The following FSTL5 variants were observed in gnomAD, a reference collection of about 807,000 sequenced individuals.
FSTL5 encodes the protein follistatin-related protein 5.
Under a neutral mutation model 89.1 loss-of-function variants are expected in FSTL5, and 62 were observed. The observed-to-expected ratio is 0.70, with a 90% CI of 0.57 to 0.86. The LOEUF is 0.86. FSTL5 is among the 40% of genes least tolerant of loss of function. The probability of loss-of-function intolerance (pLI) is 0.00; values close to 1 mark genes in which losing one functional copy is unlikely to be tolerated. For missense variants in FSTL5, 1,057 were observed against 1,001.6 expected, an observed-to-expected ratio of 1.06 and a Z score of -0.75; for synonymous variants, 383 against 346.2, an observed-to-expected ratio of 1.11 and a Z score of -1.18.
chr4:161,457,425 G>T (rs929392871), intron 14 of FSTL5, among the ~76,000 whole-genome samples: 3 of 152,012 alleles, frequency 2.0e-5, no homozygotes, highest in Admixed American at 6.6e-5. Flanking sequence ...GAAAAATAAA[G>T]AACCCATTTT....
At chr4:161,527,675 G>A (rs1731272448) in intron 10 of FSTL5, among the ~76,000 whole-genome samples, 1 of 151,108 alleles carries the variant, frequency 6.6e-6, no homozygotes, top group African/African-American at 2.4e-5. Flanking sequence ...GGAGAAATAG[G>A]AACACTTTTA....
At chr4:161,821,203 A>T (rs1730483071) in intron 4 of FSTL5, among the ~76,000 whole-genome samples, 1 of 151,738 alleles carries the variant, frequency 6.6e-6, no homozygotes, top group Admixed American at 6.6e-5. Context: ...ATGTCTGGCT[A>T]ATTTTTGTAT....
At chr4:161,724,433 T>G (rs1739323019) in intron 6 of FSTL5, among the ~76,000 whole-genome samples, 2 of 152,116 alleles carry the variant, frequency 1.3e-5, no homozygotes, top group Non-Finnish European at 2.9e-5. Context: ...AAACAAAACA[T>G]TCACTCATAT....
rs1353483622 is a variant in FSTL5 at position 161,500,072 on chromosome 4, T to C, written c.1402A>G (p.Ile468Val). The C allele has an allele frequency of 1.9e-6, 3 of 1,611,018 alleles. No individual in the cohort carries two copies. The highest frequency in any genetic ancestry group is 2.7e-5 in the African/African-American group (2 of 74,840). The part of the protein sequence containing the change: ...YEDGIKVIQP[I>V]ECEFQRHIKP... The stretch of plus-strand genomic sequence containing the variant: ...ATGTGCCTCTGAAATTCACATTCTA[T>C]GGGTTGTATCACTTTGATTCCATCT... Residue 468 changes from isoleucine (I) to valine (V), a missense_variant, in exon 12 of 16, where the codon ATA becomes GTA. Ile to Val is a conservative substitution (Grantham distance 29). Transcript: ENST00000306100.
chr4:161,455,139 C>A lies in FSTL5; in HGVS notation c.1717-11G>T. 1.3e-6 allele frequency: 2 copies of A among 1,593,058 alleles called. No homozygotes were observed. The highest frequency in any genetic ancestry group is 2.3e-5 in the East Asian group (1 of 44,218). ...GGCCAGGGTAATTACCTAAAGAGAA[C>A]ACACCTTGGTTAGACCTCAACAATG... On this transcript the variant is annotated splice_polypyrimidine_tract_variant and intron_variant, in intron 14 of 15. Coordinates refer to ENST00000306100, the MANE Select transcript of FSTL5 (RefSeq NM_020116.5).
chr4:161,920,560 C>G lies in FSTL5; in HGVS notation c.253G>C (p.Ala85Pro). 1 of 1,613,956 alleles carries G rather than the reference C, an allele frequency of 6.2e-7. No homozygotes were observed. ...HCVTSRETGQ[A>P]ECACMDLCKR... ...CAAAGGTCCATACAGGCACATTCTGCTTGCCCTGTCTCTCTGCTGGTAACA... is the reference window on the plus strand; with the variant it reads ...CAAAGGTCCATACAGGCACATTCTGGTTGCCCTGTCTCTCTGCTGGTAACA... Residue 85 changes from alanine to proline, a missense_variant, in exon 4 of 16, where the codon GCA becomes CCA. Coordinates refer to ENST00000306100, the MANE Select transcript of FSTL5 (RefSeq NM_020116.5).
At chr4:161,686,346 ATTTTTTT>A (rs1198667810) in intron 6 of FSTL5, among the ~76,000 whole-genome samples, 2 of 12,296 alleles carry the variant, frequency 1.6e-4, no homozygotes, top group South Asian at 4.7e-3. Context: ...ATATATATAT[ATTTTTTT>A]TTTTTTTTTT....
chr4:161,489,751 T>C (rs961302928), intron 12 of FSTL5, among the ~76,000 whole-genome samples: 2 of 152,168 alleles, frequency 1.3e-5, no homozygotes, highest in African/African-American at 4.8e-5. Context: ...ATTCTTATCA[T>C]TGAAAAATCA....
At chr4:162,024,110 C>T (rs1220935932) in intron 3 of FSTL5, among the ~76,000 whole-genome samples, 1 of 152,144 alleles carries the variant, frequency 6.6e-6, no homozygotes, top group Non-Finnish European at 1.5e-5. Flanking sequence ...AACCATTTCA[C>T]AGAATCCACC....
intron 4 of FSTL5, among the ~76,000 whole-genome samples, chr4:161,787,198 A>G (rs1205855186): frequency 6.6e-6 from 1 of 152,116 alleles, no homozygotes; most frequent in African/African-American, 2.4e-5. Context: ...AATAATTTAT[A>G]AATGAGATGT....
chr4:161,744,010 C>A (rs1740108590), intron 6 of FSTL5, among the ~76,000 whole-genome samples: 1 of 152,096 alleles, frequency 6.6e-6, no homozygotes, highest in Admixed American at 6.5e-5. Flanking sequence ...CTGACAAGTT[C>A]AGAAACATTT....
At chr4:161,897,595 G>GA (rs1331276972) in intron 4 of FSTL5, among the ~76,000 whole-genome samples, 1 of 128,554 alleles carries the variant, frequency 7.8e-6, no homozygotes, top group African/African-American at 2.9e-5. Flanking sequence ...AAAAAAAAAA[G>GA]AAAAAAAATA....
chr4:161,539,075 T>G (rs556219860), intron 9 of FSTL5, among the ~76,000 whole-genome samples: 1 of 151,994 alleles, frequency 6.6e-6, no homozygotes. Context: ...CACCTGGCAG[T>G]TGAGTGTTTG....
intron 10 of FSTL5, 31 bp downstream of exon 10, chr4:161,538,135 T>A (rs1731694166): frequency 2.5e-6 from 4 of 1,610,320 alleles, no homozygotes; most frequent in Non-Finnish European, 3.4e-6. Flanking sequence ...GAATATGGTG[T>A]GTGTGTGCTG....
intron 4 of FSTL5, among the ~76,000 whole-genome samples, chr4:161,892,825 T>C (rs995595730): frequency 1.3e-5 from 2 of 152,090 alleles, no homozygotes; most frequent in Admixed American, 6.5e-5. Flanking sequence ...TGTCAGAAAT[T>C]GAATATTTTA....
chr4:162,080,462 C>G (rs1730049700), intron 2 of FSTL5, among the ~76,000 whole-genome samples: 2 of 151,544 alleles, frequency 1.3e-5, no homozygotes, highest in South Asian at 4.1e-4. Flanking sequence ...AATCTGATGT[C>G]CATTACTCAG....
At chr4:161,737,782 A>G (rs1739869148) in intron 6 of FSTL5, among the ~76,000 whole-genome samples, 1 of 150,094 alleles carries the variant, frequency 6.7e-6, no homozygotes, top group Non-Finnish European at 1.5e-5. Context: ...TTTATTGTGT[A>G]GATTTTAGAG....
At chr4:161,831,766 C>T (rs1227044292) in intron 4 of FSTL5, among the ~76,000 whole-genome samples, 1 of 151,556 alleles carries the variant, frequency 6.6e-6, no homozygotes, top group Non-Finnish European at 1.5e-5. Flanking sequence ...TGTAATATAT[C>T]ATATTTTGGA....
At chr4:162,027,450 T>C (rs1399885647) in intron 3 of FSTL5, among the ~76,000 whole-genome samples, 2 of 152,146 alleles carry the variant, frequency 1.3e-5, no homozygotes, top group East Asian at 3.9e-4. Context: ...TTTGAATGTT[T>C]GTCAAAGTAC....
Sources: allele counts gnomAD v4.1 joint callset (sites outside exome capture counted in the v4.1 genomes callset), GRCh38; gene constraint gnomAD v4.1.1; transcripts MANE v1.5; gene names NCBI Gene and HGNC (gene_info 2026-07-23, HGNC 2026-07-21).